NCALD: variants seen among roughly 807,000 people sequenced by gnomAD.
The protein encoded by NCALD is neurocalcin-delta.
Under a neutral mutation model 18.6 loss-of-function variants are expected in NCALD, and 10 were observed. The ratio of observed to expected loss-of-function variants is 0.54; its 90% confidence interval spans 0.33 to 0.91. The LOEUF is 0.91. Ranked by LOEUF, NCALD falls within the 40% of genes least tolerant of loss-of-function variation. The pLI, the probability that NCALD is intolerant of heterozygous loss-of-function variation, is 0.03. For missense variants in NCALD, 184 were observed against 247.6 expected, an observed-to-expected ratio of 0.74 and a Z score of 1.72; for synonymous variants, 88 against 87.4, an observed-to-expected ratio of 1.01 and a Z score of -0.04.
intron 4 of NCALD, among the ~76,000 whole-genome samples, chr8:101,852,160 G>A (rs779071341): frequency 8.5e-5 from 13 of 152,076 alleles, no homozygotes; most frequent in Non-Finnish European, 1.5e-4. Flanking sequence ...ATTTTGTTAC[G>A]GCAGCCTGAA....
At chr8:101,824,944 G>T (rs1037151825) in intron 4 of NCALD, among the ~76,000 whole-genome samples, 2 of 152,124 alleles carry the variant, frequency 1.3e-5, no homozygotes, top group African/African-American at 4.8e-5. Context: ...ATTACATAGT[G>T]GACTATGTTT....
At chr8:101,932,219 G>A (rs1818603550) in intron 2 of NCALD, among the ~76,000 whole-genome samples, 1 of 152,150 alleles carries the variant, frequency 6.6e-6, no homozygotes, top group Non-Finnish European at 1.5e-5. Context: ...ACAGGGACTT[G>A]CAGTCCACAG....
upstream of NCALD, among the ~76,000 whole-genome samples, chr8:101,791,928 C>T (rs779995472): frequency 9.2e-5 from 14 of 152,144 alleles, no homozygotes; most frequent in African/African-American, 2.7e-4. Context: ...ATTTCCTTTA[C>T]GACGACCCTA....
chr8:102,048,282 C>T (rs1298532869), intron 1 of NCALD, among the ~76,000 whole-genome samples: 3 of 152,076 alleles, frequency 2.0e-5, no homozygotes, highest in African/African-American at 4.8e-5. Context: ...AGACTATTGC[C>T]GGAAAATATA....
chr8:101,804,699 A>AAT (rs10638187), intron 4 of NCALD, among the ~76,000 whole-genome samples: 70 of 140,002 alleles, frequency 5.0e-4, no homozygotes, highest in African/African-American at 1.5e-3. Context: ...ATACCTAATT[A>AAT]TATATAAATA....
chr8:102,067,473 A>AC, intron 1 of NCALD, among the ~76,000 whole-genome samples: 1 of 151,598 alleles, frequency 6.6e-6, no homozygotes, highest in Non-Finnish European at 1.5e-5. Context: ...ACACACACAC[A>AC]AAACTGTCCT....
chr8:101,951,279 C>T (rs1369929418), intron 2 of NCALD, among the ~76,000 whole-genome samples: 1 of 152,126 alleles, frequency 6.6e-6, no homozygotes, highest in Non-Finnish European at 1.5e-5. Context: ...TAATTGTTAC[C>T]TACAGTAACT....
chr8:101,707,880 T>TA (rs1554608869), intron 2 of NCALD, among the ~76,000 whole-genome samples: 1 of 151,244 alleles, frequency 6.6e-6, no homozygotes, highest in African/African-American at 2.4e-5. Context: ...AAAATGGTAA[T>TA]AATAAATAAA....
At chr8:101,931,189 G>C (rs1199710289) in intron 2 of NCALD, among the ~76,000 whole-genome samples, 1 of 152,182 alleles carries the variant, frequency 6.6e-6, no homozygotes, top group Non-Finnish European at 1.5e-5. Context: ...CAGGGAACAA[G>C]CAAACATCCA....
Position 101,816,375 on chromosome 8 carries a change from GA to G in NCALD, c.-20+70765del, listed in dbSNP as rs199867626. 7.2e-3 allele frequency among the ~76,000 whole-genome samples: 1,090 copies of G among 152,234 alleles called. 10 individuals are homozygous for G. Among genetic ancestry groups the G allele is most frequent in the Middle Eastern group, 0.031 (9 of 294 alleles). ...GAAAGACGTCCTCTCTGTACCAAAA[GA>G]AAAGAAACATTCTGTGGTGGAAAGT... On this transcript the variant is annotated intron_variant, in intron 4 of 6. Coordinates refer to the NCALD transcript ENST00000311028.
intron 2 of NCALD, among the ~76,000 whole-genome samples, chr8:101,990,725 T>C (rs1821012064): frequency 6.6e-6 from 1 of 152,222 alleles, no homozygotes; most frequent in African/African-American, 2.4e-5. Flanking sequence ...AAGCTACTTC[T>C]TTTGTAAATT....
intron 4 of NCALD, among the ~76,000 whole-genome samples, chr8:101,880,016 C>T (rs1043547701): frequency 2.1e-5 from 3 of 140,122 alleles, no homozygotes; most frequent in Admixed American, 7.2e-5. Context: ...TGGGACTGGG[C>T]GCCGTGGAGC....
At chr8:101,726,965 G>A (rs1816599898) in intron 1 of NCALD, among the ~76,000 whole-genome samples, 1 of 152,166 alleles carries the variant, frequency 6.6e-6, no homozygotes, top group South Asian at 2.1e-4. Flanking sequence ...CAGTAAAGGA[G>A]AACAAAAAGG....
intron 1 of NCALD, among the ~76,000 whole-genome samples, chr8:102,043,576 G>A (rs189300704): frequency 1.3e-5 from 2 of 151,792 alleles, no homozygotes; most frequent in East Asian, 3.9e-4. Flanking sequence ...ACTAGAATGG[G>A]ACTTGAAGTA....
chr8:101,764,423 A>G (rs1230139703), intron 1 of NCALD, among the ~76,000 whole-genome samples: 1 of 152,174 alleles, frequency 6.6e-6, no homozygotes, highest in African/African-American at 2.4e-5. Context: ...CCACTGGAAA[A>G]TGCCATTGCA....
chr8:101,690,939 G>A (rs993056055), intron 3 of NCALD: 1 of 985,316 alleles, frequency 1.0e-6, no homozygotes, highest in Non-Finnish European at 1.2e-6. Flanking sequence ...CATGACGTCT[G>A]GCTTTCTTCA....
At position 101,689,379 on chromosome 8, in the gene NCALD, C is replaced by T. The variant is rs1212404446; in HGVS notation, c.512G>A (p.Arg171Gln). 5 of 1,611,000 alleles carry T rather than the reference C, an allele frequency of 3.1e-6. No individual in the cohort carries two copies. Among genetic ancestry groups the T allele is most frequent in the Middle Eastern group, 1.6e-4 (1 of 6,080 alleles). ...AATGGACGGGTCGCTTTTGGCTCCT[C>T]GGATGAACTCTTCCAGGGAGAGTTT... ...DGKLSLEEFI[R>Q]GAKSDPSIVR... Residue 171 changes from arginine to glutamine, a missense_variant, in exon 4 of 4, where the codon CGA (arginine) becomes CAA (glutamine). Coordinates refer to ENST00000220931, the MANE Select transcript of NCALD (RefSeq NM_032041.3). This position sits in a 1 kb window ranked among gnomAD's most constrained non-coding sequence, Gnocchi z 4.4.
intron 4 of NCALD, among the ~76,000 whole-genome samples, chr8:101,814,719 A>G (rs1488623000): frequency 1.3e-5 from 2 of 152,086 alleles, no homozygotes; most frequent in Non-Finnish European, 2.9e-5. Flanking sequence ...AAGCCAAAAG[A>G]ATCAAAAAAC....
intron 2 of NCALD, among the ~76,000 whole-genome samples, chr8:101,925,562 T>G (rs916358726): frequency 1.3e-5 from 2 of 152,114 alleles, no homozygotes; most frequent in Non-Finnish European, 1.5e-5. Context: ...GGTTATGTAT[T>G]TATTTATTTA....
Sources: allele counts gnomAD v4.1 joint callset (sites outside exome capture counted in the v4.1 genomes callset), GRCh38; gene constraint gnomAD v4.1.1; non-coding constraint Gnocchi (gnomAD v3.1); transcripts MANE v1.5; gene names NCBI Gene and HGNC (gene_info 2026-07-23, HGNC 2026-07-21).